Variants in ITGBL1 observed in about 807,000 individuals in gnomAD.
ITGBL1 encodes integrin subunit beta like 1.
A neutral mutation model predicts 68.5 loss-of-function variants in ITGBL1; 51 were observed. That is an observed-to-expected ratio of 0.74 (90% CI 0.59 to 0.94). The LOEUF is 0.94. Among genes scored for constraint, ITGBL1 ranks in the 40% least tolerant of loss-of-function variants. ITGBL1 has a pLI of 0.00. For missense variants in ITGBL1, 649 were observed against 647.4 expected, an observed-to-expected ratio of 1.00 and a Z score of -0.03; for synonymous variants, 209 against 227.3, an observed-to-expected ratio of 0.92 and a Z score of 0.72.
intron 7 of ITGBL1, among the ~76,000 whole-genome samples, chr13:101,643,603 A>G (rs752407674): frequency 1.3e-5 from 2 of 152,184 alleles, no homozygotes; most frequent in Non-Finnish European, 2.9e-5. Context: ...AGTTTGTGGA[A>G]AATAAAGTCT....
chr13:101,700,187 A>T (rs1384395095), intron 8 of ITGBL1, among the ~76,000 whole-genome samples: 1 of 152,188 alleles, frequency 6.6e-6, no homozygotes, highest in East Asian at 1.9e-4. Flanking sequence ...TTGTCTTAAG[A>T]GTGTCTCAAA....
At chr13:101,517,709 T>C (rs2049217928) in intron 2 of ITGBL1, among the ~76,000 whole-genome samples, 1 of 152,252 alleles carries the variant, frequency 6.6e-6, no homozygotes, top group East Asian at 1.9e-4. Flanking sequence ...GTCCAAATTC[T>C]GTAATTCAGC....
intron 2 of ITGBL1, among the ~76,000 whole-genome samples, chr13:101,540,994 C>T (rs1188308545): frequency 6.8e-5 from 8 of 117,922 alleles, no homozygotes; most frequent in Admixed American, 4.6e-4. Flanking sequence ...ATCACGTCAT[C>T]TGCAAACAGG....
chr13:101,697,799 G>T (rs2034037455), intron 8 of ITGBL1, among the ~76,000 whole-genome samples: 1 of 152,156 alleles, frequency 6.6e-6, no homozygotes, highest in Admixed American at 6.5e-5. Context: ...AATATTTGAT[G>T]AATGCCCTGT....
At chr13:101,579,798 C>T (rs921426336) in intron 5 of ITGBL1, among the ~76,000 whole-genome samples, 1 of 152,030 alleles carries the variant, frequency 6.6e-6, no homozygotes, top group African/African-American at 2.4e-5. Flanking sequence ...TCTAATTATC[C>T]GTAGAGAATT....
At chr13:101,586,161 A>G (rs1338025303) in intron 6 of ITGBL1, among the ~76,000 whole-genome samples, 4 of 152,012 alleles carry the variant, frequency 2.6e-5, no homozygotes, top group Non-Finnish European at 4.4e-5. Flanking sequence ...CTGGAATCTA[A>G]TTTTCCACCT....
chr13:101,540,832 C>T (rs1351308750), intron 2 of ITGBL1, among the ~76,000 whole-genome samples: 320 of 142,282 alleles, frequency 2.2e-3, no homozygotes, highest in African/African-American at 7.7e-3. Context: ...AATGGGAGTT[C>T]ACTCATGATT....
intron 8 of ITGBL1, 34 bp from the exon 9 acceptor site, chr13:101,706,722 A>T (rs770026926): frequency 1.3e-6 from 2 of 1,595,850 alleles, no homozygotes; most frequent in East Asian, 4.5e-5. Context: ...TTATTTCCTC[A>T]TCCTCTCACT....
At chr13:101,633,965 CTGTGG>C (rs2032078273) in intron 7 of ITGBL1, among the ~76,000 whole-genome samples, 1 of 151,908 alleles carries the variant, frequency 6.6e-6, no homozygotes, top group Non-Finnish European at 1.5e-5. Context: ...TTCAAATGTA[CTGTGG>C]TGTGATGATG....
At chr13:101,497,525 T>C (rs2048874075) in intron 2 of ITGBL1, among the ~76,000 whole-genome samples, 1 of 152,202 alleles carries the variant, frequency 6.6e-6, no homozygotes, top group South Asian at 2.1e-4. Context: ...ATGTAAACCA[T>C]GGAGGCAGAG....
chr13:101,678,411 A>G (rs2033557152), intron 7 of ITGBL1, among the ~76,000 whole-genome samples: 1 of 152,092 alleles, frequency 6.6e-6, no homozygotes, highest in Non-Finnish European at 1.5e-5. Context: ...AATTTGTAAA[A>G]TATATTTGCT....
At position 101,452,803 on chromosome 13, in the gene ITGBL1, C is replaced by T; in HGVS notation, c.-31C>T. 1 of 1,589,030 alleles carries T rather than the reference C, an allele frequency of 6.3e-7. No individual in the cohort carries two copies. The highest frequency in any genetic ancestry group is 8.6e-7 in the Non-Finnish European group (1 of 1,157,762). ...CGGTGAACCCCACCTTGCAGAAGTG[C>T]AGCTCGCCCGGAGCAGCCCAGGAGC... On this transcript the variant is annotated 5_prime_UTR_variant, in exon 1 of 11. Coordinates refer to ENST00000376180, the MANE Select transcript of ITGBL1 (RefSeq NM_004791.3).
At position 101,469,473 on chromosome 13, in the gene ITGBL1, C is replaced by T. The variant is rs374034383; in HGVS notation, c.316+15373C>T. Among the ~76,000 whole-genome samples, 5 of 152,206 alleles carry T rather than the reference C, an allele frequency of 3.3e-5. No homozygotes were observed. The East Asian group carries it at 7.7e-4, about 24-fold the overall frequency. ...GAGGCAGGTGGATCACCTGAGGTCA[C>T]GAGTTCGAGACCAGCCTGGCCAACA... On this transcript the variant is annotated intron_variant, in intron 2 of 10. Transcript: ENST00000376180.
At chr13:101,570,510 C>T (rs1325509938) in intron 3 of ITGBL1, among the ~76,000 whole-genome samples, 1 of 151,986 alleles carries the variant, frequency 6.6e-6, no homozygotes, top group African/African-American at 2.4e-5. Flanking sequence ...GCTTCTTGGC[C>T]CTTTCTGCAA....
At chr13:101,609,142 T>C (rs1407631644) in intron 7 of ITGBL1, among the ~76,000 whole-genome samples, 1 of 152,122 alleles carries the variant, frequency 6.6e-6, no homozygotes, top group African/African-American at 2.4e-5. Context: ...CTGTTTATCA[T>C]TTGCTTTCTT....
At chr13:101,489,270 G>C (rs1447603231) in intron 2 of ITGBL1, among the ~76,000 whole-genome samples, 1 of 152,208 alleles carries the variant, frequency 6.6e-6, no homozygotes, top group Non-Finnish European at 1.5e-5. Flanking sequence ...TTCTAAGAAT[G>C]TGAAATAAAG....
intron 2 of ITGBL1, among the ~76,000 whole-genome samples, chr13:101,530,374 TATA>T (rs2049452798): frequency 6.6e-6 from 1 of 152,152 alleles, no homozygotes; most frequent in Non-Finnish European, 1.5e-5. Context: ...TAAGAGTAAT[TATA>T]ATAATATTAG....
At chr13:101,556,866 T>C (rs2050015695) in intron 2 of ITGBL1, among the ~76,000 whole-genome samples, 1 of 152,186 alleles carries the variant, frequency 6.6e-6, no homozygotes, top group Non-Finnish European at 1.5e-5. Context: ...TCCAGAAATA[T>C]GAGACAAAAC....
chr13:101,505,456 T>C (rs2049012236), intron 2 of ITGBL1, among the ~76,000 whole-genome samples: 1 of 152,158 alleles, frequency 6.6e-6, no homozygotes, highest in Non-Finnish European at 1.5e-5. Context: ...TTATTTGCCC[T>C]GGGGACCCTA....
Sources: gnomAD v4.1 joint callset for allele counts (sites outside exome capture counted in the v4.1 genomes callset) on GRCh38, gnomAD v4.1.1 for gene constraint, MANE v1.5 for transcripts, NCBI Gene and HGNC (gene_info 2026-07-23, HGNC 2026-07-21) for gene names.